Variants in SGCD observed in about 807,000 individuals in gnomAD.
The protein encoded by SGCD is sarcoglycan delta, also known as delta-sarcoglycan.
A neutral mutation model predicts 36.6 loss-of-function variants in SGCD; 18 were observed. The ratio of observed to expected loss-of-function variants is 0.49; its 90% CI spans 0.34 to 0.73. The LOEUF (loss-of-function observed/expected upper bound fraction) is 0.73, where lower values mean the gene tolerates loss of function less well. Ranked by LOEUF, SGCD falls within the 30% of genes least tolerant of loss-of-function variation. The pLI is 0.01. For synonymous variants in SGCD, 133 were observed against 130.6 expected (o/e 1.02, Z -0.12); for missense variants, 387 against 346.7 (o/e 1.12, Z -0.92).
At chr5:155,775,673 G>A in the SGCD span, among the ~76,000 whole-genome samples, 1 of 152,054 alleles carries the variant, frequency 6.6e-6, no homozygotes, top group African/African-American at 2.4e-5. Flanking sequence ...AGCAAACAGG[G>A]TGAAAATGGT....
intron 4 of SGCD, among the ~76,000 whole-genome samples, chr5:156,576,501 C>G (rs1759963016): frequency 6.6e-6 from 1 of 152,200 alleles, no homozygotes. Context: ...AATTGCCACA[C>G]TGTCTTCCAC....
At chr5:156,608,254 C>G (rs987616619) in intron 6 of SGCD, among the ~76,000 whole-genome samples, 2 of 152,156 alleles carry the variant, frequency 1.3e-5, no homozygotes, top group Non-Finnish European at 2.9e-5. Context: ...TCTTTGTTCT[C>G]TTTGGTTTCA....
intron 6 of SGCD, among the ~76,000 whole-genome samples, chr5:156,634,685 T>C (rs1762759670): frequency 6.6e-6 from 1 of 152,114 alleles, no homozygotes; most frequent in East Asian, 1.9e-4. Flanking sequence ...TGTATTTGCT[T>C]ATTGTGGTAG....
At chr5:155,806,452 C>T in the SGCD span, among the ~76,000 whole-genome samples, 127 of 152,282 alleles carry the variant, frequency 8.3e-4, no homozygotes, top group African/African-American at 2.6e-3. Context: ...CGTGCCCAGC[C>T]GACTTCACTA....
At chr5:156,072,639 G>A (rs1255746952) in intron 1 of SGCD, among the ~76,000 whole-genome samples, 1 of 152,096 alleles carries the variant, frequency 6.6e-6, no homozygotes, top group Non-Finnish European at 1.5e-5. Context: ...GAGTATCTTT[G>A]TGGTGTTCTC....
the SGCD span, among the ~76,000 whole-genome samples, chr5:155,780,843 T>C: frequency 6.6e-6 from 1 of 152,204 alleles, no homozygotes; most frequent in African/African-American, 2.4e-5. Context: ...CAAAGGACTC[T>C]GAGAAATATA....
At chr5:155,984,667 G>T (rs1163699741) in intron 1 of SGCD, among the ~76,000 whole-genome samples, 1 of 152,032 alleles carries the variant, frequency 6.6e-6, no homozygotes, top group Non-Finnish European at 1.5e-5. Flanking sequence ...GTCTTTGCTG[G>T]TCTTTCTGCT....
At chr5:155,924,064 C>A (rs1260401268) in intron 1 of SGCD, among the ~76,000 whole-genome samples, 1 of 151,854 alleles carries the variant, frequency 6.6e-6, no homozygotes, top group Non-Finnish European at 1.5e-5. Context: ...TCTCTGGTGA[C>A]CCAAAAAATA....
chr5:155,815,929 T>G, the SGCD span, among the ~76,000 whole-genome samples: 1 of 152,122 alleles, frequency 6.6e-6, no homozygotes, highest in Non-Finnish European at 1.5e-5. Flanking sequence ...AAACATTTAC[T>G]GGTGGTCGTA....
At chr5:156,027,457 T>C (rs1759247917) in intron 1 of SGCD, among the ~76,000 whole-genome samples, 1 of 152,194 alleles carries the variant, frequency 6.6e-6, no homozygotes, top group Non-Finnish European at 1.5e-5. Context: ...TCTACAACTC[T>C]TATGGATCTG....
chr5:156,560,953 C>T (rs535558869), intron 4 of SGCD, among the ~76,000 whole-genome samples: 11 of 152,236 alleles, frequency 7.2e-5, no homozygotes, highest in African/African-American at 2.6e-4. Flanking sequence ...AAAGCTCTTA[C>T]CTTGGCATAT....
At chr5:156,589,416 A>G in intron 5 of SGCD, 98 bp downstream of exon 5, 1 of 693,128 alleles carries the variant, frequency 1.4e-6, no homozygotes, top group Non-Finnish European at 2.6e-6. Flanking sequence ...CTGAAAATAA[A>G]GTGTGCTAAC....
At chr5:156,588,616 C>T (rs1443230063) in intron 4 of SGCD, among the ~76,000 whole-genome samples, 1 of 152,116 alleles carries the variant, frequency 6.6e-6, no homozygotes, top group Non-Finnish European at 1.5e-5. Flanking sequence ...AGAGTAGATA[C>T]AGGCACAGAC....
At chr5:156,463,722 C>T (rs186699801) in intron 3 of SGCD, among the ~76,000 whole-genome samples, 75 of 152,200 alleles carry the variant, frequency 4.9e-4, no homozygotes, top group African/African-American at 1.5e-3. Context: ...AGGCCAGGTG[C>T]GGTGGTGCGT....
intron 3 of SGCD, among the ~76,000 whole-genome samples, chr5:156,465,290 A>G (rs767480450): frequency 6.6e-6 from 1 of 152,206 alleles, no homozygotes; most frequent in Non-Finnish European, 1.5e-5. Context: ...AATACAGATT[A>G]AAATTCTGTA....
At chr5:156,550,196 G>A (rs746161422) in intron 4 of SGCD, among the ~76,000 whole-genome samples, 111 of 152,340 alleles carry the variant, frequency 7.3e-4, no homozygotes, top group Non-Finnish European at 1.2e-3. Flanking sequence ...AAGTGACACG[G>A]AGGTTACAGG....
chr5:156,453,319 A>G (rs1025406758), intron 3 of SGCD, among the ~76,000 whole-genome samples: 2 of 152,180 alleles, frequency 1.3e-5, no homozygotes, highest in South Asian at 4.1e-4. Flanking sequence ...AAAGGGAACT[A>G]TATTATAAGG....
At chr5:156,601,417 C>T (rs1292816875) in intron 6 of SGCD, among the ~76,000 whole-genome samples, 1 of 152,136 alleles carries the variant, frequency 6.6e-6, no homozygotes, top group Non-Finnish European at 1.5e-5. Context: ...GTGTTTTTAT[C>T]AACTTTATGA....
the SGCD span, among the ~76,000 whole-genome samples, chr5:155,750,718 T>C: frequency 1.3e-5 from 2 of 152,346 alleles, no homozygotes; most frequent in African/African-American, 4.8e-5. Flanking sequence ...TCTTTCTTTG[T>C]AGAGTAGCAA....
Sources: gnomAD v4.1 joint callset for allele counts (sites outside exome capture counted in the v4.1 genomes callset) on GRCh38, gnomAD v4.1.1 for gene constraint, MANE v1.5 for transcripts, NCBI Gene and HGNC (gene_info 2026-07-23, HGNC 2026-07-21) for gene names.